Variants in ABCA3 observed in about 807,000 individuals in gnomAD.
The protein encoded by ABCA3 is ATP binding cassette subfamily A member 3.
ABCA3 carries 88 observed loss-of-function variants against 172.8 expected under a neutral mutation model. That is an observed-to-expected ratio of 0.51 (90% CI 0.43 to 0.61). The LOEUF is 0.61. ABCA3 is among the 20% of genes least tolerant of loss of function. ABCA3 has a pLI of 0.00. For missense variants in ABCA3, 2,164 were observed against 2,301.0 expected (o/e 0.94, Z 1.22); for synonymous variants, 1,066 against 983.8 (o/e 1.08, Z -1.56).
chr16:2,306,838 A>G (rs1482155658), intron 11 of ABCA3, among the ~76,000 whole-genome samples: 1 of 151,898 alleles, frequency 6.6e-6, no homozygotes, highest in Admixed American at 6.6e-5. Flanking sequence ...ACACAGTGAA[A>G]CCCCGTCTCT....
In ABCA3 at chr16:2,323,698, C is replaced by CA; in HGVS notation, c.448-11dup. The CA allele has an allele frequency of 1.2e-6, 2 of 1,614,054 alleles. No individual in the cohort carries two copies. Among genetic ancestry groups the CA allele is most frequent in the Non-Finnish European group, 1.7e-6 (2 of 1,179,968 alleles). ...GTAGGTGATATTTCACCTGTGGAAACAAAGAGAAAACCAGCTGTTCCGAGA... is the reference window on the plus strand; with the variant it reads ...GTAGGTGATATTTCACCTGTGGAAACAAAAGAGAAAACCAGCTGTTCCGAGA... On this transcript the variant is annotated splice_polypyrimidine_tract_variant and intron_variant, in intron 6 of 32. Coordinates refer to ENST00000301732, the MANE Select transcript of ABCA3 (RefSeq NM_001089.3).
chr16:2,332,822 T>C, intron 1 of ABCA3: 2 of 598,860 alleles, frequency 3.3e-6, no homozygotes, highest in South Asian at 4.1e-5. Flanking sequence ...TGCCCTTTTT[T>C]TTTTTACACA....
rs886051823 is a variant in ABCA3 at position 2,299,541 on chromosome 16, A to G, written c.1612-9T>C. ...TTTCCCACCCTGAACACCTGCAGGA[A>G]AGGCAGAGGCTGCCCTGGGCTACCC... On this transcript the variant is annotated splice_polypyrimidine_tract_variant and intron_variant, in intron 13 of 32. Transcript: ENST00000301732. 3.2e-5 allele frequency: 52 copies of G among 1,612,592 alleles called. No homozygotes were observed. The highest frequency in any genetic ancestry group is 4.2e-5 in the Non-Finnish European group (50 of 1,179,962).
At position 2,319,698 on chromosome 16, in the gene ABCA3, T is replaced by C. The variant is rs1163826019; in HGVS notation, c.756A>G (p.Ala252=). Residue 252 remains alanine (A), a synonymous_variant, in exon 8 of 33, where the codon GCA becomes GCG. Coordinates refer to ENST00000301732, the MANE Select transcript of ABCA3 (RefSeq NM_001089.3). ...ACTGGATGGCCACGAGGAAGGGGTC[T>C]GCGATGAACGGCGGGTACGGGAACC... The part of the protein sequence containing the change: ...IKRFPYPPFI[A]DPFLVAIQYQ... 6.2e-7 allele frequency: 1 copy of C among 1,613,706 alleles called. No homozygotes were observed. Among genetic ancestry groups the C allele is most frequent in the Non-Finnish European group, 8.5e-7 (1 of 1,179,978 alleles).
At position 2,283,239 on chromosome 16, in the gene ABCA3, G is replaced by C; in HGVS notation, c.3982C>G (p.Leu1328Val). 1 of 1,613,470 alleles carries C rather than the reference G, an allele frequency of 6.2e-7. No individual in the cohort carries two copies. Among genetic ancestry groups the C allele is most frequent in the Non-Finnish European group, 8.5e-7 (1 of 1,179,988 alleles). The change falls in exon 26 of 33, where the codon CTG (leucine) becomes GTG (valine). Residue 1328 changes from leucine (L) to valine (V), a missense_variant. Around this residue, in one of 3 missense-constraint regions of ABCA3, gnomAD observed 795 missense variants for 881.9 expected, o/e 0.90. Coordinates refer to ENST00000301732, the MANE Select transcript of ABCA3 (RefSeq NM_001089.3). This position sits in a 1 kb window ranked among gnomAD's most constrained non-coding sequence, Gnocchi z 5.4. ...AGGATGCCCCTGAGTCTCTGAAGCA[G>C]GTTGGTCTCGATGAGGAAGAGCAGG... ...LILLFLIETN[L>V]LQRLRGILCA...
At chr16:2,298,613 AC>A in intron 14 of ABCA3, 73 bp from the exon 15 acceptor site, 1 of 1,553,214 alleles carries the variant, frequency 6.4e-7, no homozygotes, top group Non-Finnish European at 8.8e-7. Context: ...ATGACCCCCC[AC>A]CCCCTCTCTG....
intron 19 of ABCA3, among the ~76,000 whole-genome samples, chr16:2,289,979 A>C (rs1445383836): frequency 1.3e-5 from 2 of 151,290 alleles, no homozygotes; most frequent in African/African-American, 2.4e-5. Flanking sequence ...ACACACACAC[A>C]CACACACACA....
Position 2,285,615 on chromosome 16 carries a change from G to C in ABCA3, c.3310C>G (p.Leu1104Val), listed in dbSNP as rs2093661828. Residue 1104 changes from leucine (L) to valine (V), a missense_variant, in exon 23 of 33, where the codon CTG (leucine) becomes GTG (valine). Leu to Val is a conservative substitution (Grantham distance 32). This residue lies in a region of ABCA3 where 795 missense variants were observed against 881.9 expected (regional missense o/e 0.90). Transcript: ENST00000301732. This position sits in a 1 kb window ranked among gnomAD's most constrained non-coding sequence, Gnocchi z 4.7. ...GRKGFDIALN[L>V]LFAMAFLAST... ...GCCAAGAATGCCATGGCGAAGAGCA[G>C]GTTGAGGGCAATGTCGAATCCCTTC... 3 of 1,555,570 alleles carry C rather than the reference G, an allele frequency of 1.9e-6. No homozygotes were observed. Among genetic ancestry groups the C allele is most frequent in the Middle Eastern group, 1.7e-4 (1 of 5,996 alleles).
intron 1 of ABCA3, among the ~76,000 whole-genome samples, chr16:2,335,512 C>T (rs1312374722): frequency 1.3e-5 from 2 of 151,880 alleles, no homozygotes; most frequent in African/African-American, 2.4e-5. Context: ...TCAAATGATC[C>T]TCTTGCCTCA....
In ABCA3 at chr16:2,281,231, C is replaced by T. The variant is rs376918831; in HGVS notation, c.4165-10G>A. ...CCCGCTGCTCGTACACCTGCAGGCA[C>T]CCAACAGAAAACACGGAATGCGGAG... On this transcript the variant is annotated splice_polypyrimidine_tract_variant and intron_variant, in intron 27 of 32. Coordinates refer to ENST00000301732, the MANE Select transcript of ABCA3 (RefSeq NM_001089.3). The surrounding 1 kb of genome is among the most constrained non-coding windows in gnomAD (Gnocchi z 4.7). 8 of 1,613,262 alleles carry T rather than the reference C, an allele frequency of 5.0e-6. No homozygotes were observed. Among genetic ancestry groups the T allele is most frequent in the Non-Finnish European group, 6.8e-6 (8 of 1,179,970 alleles).
In ABCA3 at chr16:2,286,620, G is replaced by T; in HGVS notation, c.3278+74C>A. The T allele has an allele frequency of 1.3e-6, 2 of 1,586,602 alleles. No homozygotes were observed. The highest frequency in any genetic ancestry group is 1.1e-5 in the South Asian group (1 of 89,602). Reference sequence around the variant, plus strand: ...GGCAGACACAATGCTCTATCTATGGGCCCGTGGCAGTGCCCAGGGCAGTCA... The same window carrying T: ...GGCAGACACAATGCTCTATCTATGGTCCCGTGGCAGTGCCCAGGGCAGTCA... On this transcript the variant is annotated intron_variant, in intron 22 of 32. Coordinates refer to ENST00000301732, the MANE Select transcript of ABCA3 (RefSeq NM_001089.3). The surrounding 1 kb of genome is among the most constrained non-coding windows in gnomAD (Gnocchi z 5.2).
At chr16:2,337,375 CTT>C (rs35818080) in intron 1 of ABCA3, among the ~76,000 whole-genome samples, 50 of 142,122 alleles carry the variant, frequency 3.5e-4, no homozygotes, top group African/African-American at 3.9e-4. Flanking sequence ...AGTCTGAGGC[CTT>C]TTTTTTTTTT....
chr16:2,324,594 G>C, intron 5 of ABCA3, 63 bp from the exon 6 acceptor site: 2 of 1,599,006 alleles, frequency 1.3e-6, no homozygotes, highest in Non-Finnish European at 1.7e-6. Flanking sequence ...AAAAATCTGC[G>C]TGGTTCAGGT....
In ABCA3 at chr16:2,279,214, G is replaced by A. The variant is rs1325531269; in HGVS notation, c.4360-84C>T. On this transcript the variant is annotated intron_variant, in intron 28 of 32. Coordinates refer to ENST00000301732, the MANE Select transcript of ABCA3 (RefSeq NM_001089.3). This position sits in a 1 kb window ranked among gnomAD's most constrained non-coding sequence, Gnocchi z 4.4. ...GAGGACCACGGGGACTACCCTTGAG[G>A]TGCCCACCACTGCGCCTGTCTGTGG... is the stretch of plus-strand genomic sequence containing the variant. 6 of 1,504,530 alleles carry A rather than the reference G, an allele frequency of 4.0e-6. No homozygotes were observed. The highest frequency in any genetic ancestry group is 5.4e-6 in the Non-Finnish European group (6 of 1,105,030). 93.2% of individuals were successfully genotyped at this position (1,504,530 alleles called of 1,614,324 possible).
intron 10 of ABCA3, among the ~76,000 whole-genome samples, chr16:2,312,256 C>T (rs2093707754): frequency 6.6e-6 from 1 of 152,138 alleles, no homozygotes; most frequent in Non-Finnish European, 1.5e-5. Flanking sequence ...AAAATGCCTA[C>T]CAAACACCCG....
rs1002862997 is a variant in ABCA3 at position 2,276,294 on chromosome 16, C to T, written c.*380G>A. 6.0e-5 allele frequency: 28 copies of T among 464,314 alleles called. No homozygotes were observed. Among genetic ancestry groups the T allele is most frequent in the South Asian group, 3.6e-4 (23 of 64,618 alleles). 28.8% of individuals were successfully genotyped at this position (464,314 alleles called of 1,614,324 possible). A position where few individuals can be genotyped will look rare whatever the true frequency, so the allele number is the denominator to read the frequency against. ...CTTCCTCCCCAGGGGAGATTAGTGT[C>T]GTGTGTAAACTTGGACAAGTCACTG... On this transcript the variant is annotated 3_prime_UTR_variant, in exon 33 of 33. Transcript: ENST00000301732.
At chr16:2,320,825 T>C (rs1057009992) in intron 7 of ABCA3, among the ~76,000 whole-genome samples, 1 of 152,162 alleles carries the variant, frequency 6.6e-6, no homozygotes, top group African/African-American at 2.4e-5. Flanking sequence ...CCTGGGGCTT[T>C]ACTAGGAGCT....
chr16:2,339,548 C>A (rs1286603889), intron 1 of ABCA3, among the ~76,000 whole-genome samples: 1 of 152,214 alleles, frequency 6.6e-6, no homozygotes, highest in Non-Finnish European at 1.5e-5. Context: ...CAAAAGGCAG[C>A]GCCCAGACTA....
Position 2,325,823 on chromosome 16 carries a change from G to A in ABCA3, c.319+187C>T, listed in dbSNP as rs991664232. Among the ~76,000 whole-genome samples the A allele has an allele frequency of 2.6e-5, 4 of 152,218 alleles. No homozygotes were observed. In the South Asian group the frequency reaches 8.3e-4, roughly 32 times the overall value. The stretch of plus-strand genomic sequence containing the variant: ...GAGACTGCTATTTACTCGCAGGCAG[G>A]CAGAGGTTTAAGGAACAGCAGTGCC... On this transcript the variant is annotated intron_variant, in intron 5 of 32. Coordinates refer to ENST00000301732, the MANE Select transcript of ABCA3 (RefSeq NM_001089.3).
Sources: allele counts gnomAD v4.1 joint callset (sites outside exome capture counted in the v4.1 genomes callset), GRCh38; gene constraint gnomAD v4.1.1; regional missense constraint gnomAD v4.1.1; non-coding constraint Gnocchi (gnomAD v3.1); transcripts MANE v1.5; gene names NCBI Gene and HGNC (gene_info 2026-07-23, HGNC 2026-07-21).